The following CAMSAP1 variants were observed in gnomAD, a reference collection of about 807,000 sequenced individuals.
The protein encoded by CAMSAP1 is calmodulin-regulated spectrin-associated protein 1.
Under a neutral mutation model 143.5 loss-of-function variants are expected in CAMSAP1, and 58 were observed. The observed-to-expected ratio is 0.40, with a 90% CI of 0.33 to 0.50. The LOEUF (loss-of-function observed/expected upper bound fraction) is 0.50. Among genes scored for constraint, CAMSAP1 ranks in the 20% least tolerant of loss-of-function variants. CAMSAP1 has a pLI of 0.45. For synonymous variants in CAMSAP1, 945 were observed against 859.3 expected (o/e 1.10, Z -1.74); for missense variants, 1,969 against 2,115.7 (o/e 0.93, Z 1.36).
chr9:135,876,495 G>A (rs149958805), intron 3 of CAMSAP1, among the ~76,000 whole-genome samples: 74 of 152,262 alleles, frequency 4.9e-4, no homozygotes, highest in South Asian at 1.7e-3. Context: ...GACAATGAGC[G>A]ACAGTTACAC....
At chr9:135,894,757 G>A (rs1400382649) in intron 1 of CAMSAP1, among the ~76,000 whole-genome samples, 1 of 152,174 alleles carries the variant, frequency 6.6e-6, no homozygotes, top group Non-Finnish European at 1.5e-5. Flanking sequence ...AAAATGATCA[G>A]GAAGCCATCA....
chr9:135,896,386 A>G (rs1000711821), intron 1 of CAMSAP1, among the ~76,000 whole-genome samples: 7 of 152,246 alleles, frequency 4.6e-5, no homozygotes, highest in African/African-American at 1.4e-4. Flanking sequence ...CTCAAAGTAC[A>G]TGAAAAAAGT....
chr9:135,879,046 A>G (rs1837844668), intron 3 of CAMSAP1, among the ~76,000 whole-genome samples: 1 of 152,204 alleles, frequency 6.6e-6, no homozygotes, highest in South Asian at 2.1e-4. Flanking sequence ...ATCAAGTCTG[A>G]CTGTGAACGT....
chr9:135,834,490 T>C (rs1835952287), intron 7 of CAMSAP1, among the ~76,000 whole-genome samples: 1 of 152,220 alleles, frequency 6.6e-6, no homozygotes, highest in Non-Finnish European at 1.5e-5. Context: ...GGAAGTCTTG[T>C]CATTTGTGAC....
chr9:135,874,206 T>C (rs772315563), intron 3 of CAMSAP1, among the ~76,000 whole-genome samples: 2 of 152,042 alleles, frequency 1.3e-5, no homozygotes, highest in African/African-American at 2.4e-5. Flanking sequence ...AAACTTAAAA[T>C]AGAAGGGAAC....
At chr9:135,819,651 T>C (rs1260938886) in intron 11 of CAMSAP1, among the ~76,000 whole-genome samples, 1 of 133,442 alleles carries the variant, frequency 7.5e-6, no homozygotes, top group Non-Finnish European at 1.5e-5. Flanking sequence ...CTGGCCGACA[T>C]GGCGAAACCC....
rs1835341114 is a variant in CAMSAP1, at chr9:135,818,964, AC to A, written c.3959+45del. 2 of 1,593,362 alleles carry A rather than the reference AC, an allele frequency of 1.3e-6. No homozygotes were observed. Among genetic ancestry groups the A allele is most frequent in the Non-Finnish European group, 1.7e-6 (2 of 1,175,958 alleles). ...ACGGGACCGGGGCCGCCAGGGACCC[AC>A]CAGGCTCCTGCTCAGTCTGCTTTCC... is the stretch of plus-strand genomic sequence containing the variant. On this transcript the variant is annotated intron_variant, in intron 12 of 16. Transcript: ENST00000389532. The surrounding 1 kb of genome is among the most constrained non-coding windows in gnomAD (Gnocchi z 7.7).
intron 7 of CAMSAP1, among the ~76,000 whole-genome samples, chr9:135,845,073 T>A (rs551716839): frequency 2.6e-5 from 4 of 151,990 alleles, no homozygotes; most frequent in Admixed American, 6.6e-5. Context: ...CAAAAAAAAA[T>A]TTCAGGCCAA....
chr9:135,865,677 G>A (rs549934530), intron 4 of CAMSAP1, among the ~76,000 whole-genome samples: 3 of 152,300 alleles, frequency 2.0e-5, no homozygotes, highest in Admixed American at 2.0e-4. Flanking sequence ...TGCTTAGTCT[G>A]TACCCATGTG....
intron 7 of CAMSAP1, among the ~76,000 whole-genome samples, chr9:135,838,068 C>G (rs996505248): frequency 6.6e-6 from 1 of 150,998 alleles, no homozygotes; most frequent in South Asian, 2.1e-4. Flanking sequence ...CACTTTCCAC[C>G]CATTCTACAG....
rs1835037886 is a variant in CAMSAP1 at position 135,811,197 on chromosome 9, A to C, written c.*112T>G. 1 of 1,256,490 alleles carries C rather than the reference A, an allele frequency of 8.0e-7. No individual in the cohort carries two copies. Among genetic ancestry groups the C allele is most frequent in the Non-Finnish European group, 1.1e-6 (1 of 915,784 alleles). 77.8% of individuals were successfully genotyped at this position (1,256,490 alleles called of 1,614,324 possible). ...AGGTCTGTGACTTTGCACACTTCGT[A>C]CCCAAATAGATGAAAACAATAAATA... On this transcript the variant is annotated 3_prime_UTR_variant, in exon 17 of 17. Transcript: ENST00000389532. This position sits in a 1 kb window ranked among gnomAD's most constrained non-coding sequence, Gnocchi z 4.9.
chr9:135,879,178 TGAG>T (rs1837850237), intron 3 of CAMSAP1, among the ~76,000 whole-genome samples: 1 of 152,040 alleles, frequency 6.6e-6, no homozygotes, highest in Non-Finnish European at 1.5e-5. Context: ...TGTCCACAAA[TGAG>T]GAGTCAGGAG....
intron 7 of CAMSAP1, among the ~76,000 whole-genome samples, chr9:135,827,978 G>A (rs748281388): frequency 1.3e-4 from 20 of 152,232 alleles, no homozygotes; most frequent in Non-Finnish European, 2.9e-4. Context: ...GAAGGCTTGG[G>A]GCTCAGCTCC....
chr9:135,873,697 TCA>T (rs1837639693), intron 3 of CAMSAP1, among the ~76,000 whole-genome samples: 2 of 152,086 alleles, frequency 1.3e-5, no homozygotes, highest in Non-Finnish European at 2.9e-5. Context: ...CCCTTGAAAG[TCA>T]CAAATTACCA....
intron 11 of CAMSAP1, among the ~76,000 whole-genome samples, chr9:135,819,856 A>G (rs1835382253): frequency 6.6e-6 from 1 of 151,980 alleles, no homozygotes; most frequent in African/African-American, 2.4e-5. Flanking sequence ...AAAAAAAAAA[A>G]AGCGAAAAAG....
At chr9:135,839,754 G>A (rs965576763) in intron 7 of CAMSAP1, among the ~76,000 whole-genome samples, 1 of 152,046 alleles carries the variant, frequency 6.6e-6, no homozygotes, top group African/African-American at 2.4e-5. Flanking sequence ...CGAGCTGCAG[G>A]CATACACAGC....
At chr9:135,888,012 C>T (rs1838179505) in intron 1 of CAMSAP1, among the ~76,000 whole-genome samples, 1 of 152,150 alleles carries the variant, frequency 6.6e-6, no homozygotes, top group South Asian at 2.1e-4. Context: ...GTGAGGTCAA[C>T]ACTAAGTGCA....
chr9:135,864,166 C>T (rs547207883), intron 4 of CAMSAP1, among the ~76,000 whole-genome samples: 1 of 152,310 alleles, frequency 6.6e-6, no homozygotes, highest in Admixed American at 6.5e-5. Context: ...AAGGGACCCA[C>T]CACCCTTGGT....
chr9:135,907,024 T>G lies in CAMSAP1; in HGVS notation c.136A>C (p.Ile46Leu). Residue 46 changes from isoleucine to leucine, a missense_variant, in exon 1 of 17, where the codon ATC becomes CTC. Around this residue, in one of 4 missense-constraint regions of CAMSAP1, gnomAD observed 215 missense variants for 196.2 expected, o/e 1.10. Coordinates refer to ENST00000389532, the MANE Select transcript of CAMSAP1 (RefSeq NM_015447.4). ...CCTCGGCCGTAGGCCTTGGCGCAGA[T>G]CCACTGCAGGTTGGCGGCGATCTTG... ...RAKIAANLQWICAKAYGRDNI... is the reference protein window; with the variant it reads ...RAKIAANLQWLCAKAYGRDNI... 1.3e-5 allele frequency: 15 copies of G among 1,183,780 alleles called. No homozygotes were observed. Among genetic ancestry groups the G allele is most frequent in the Non-Finnish European group, 1.5e-5 (14 of 945,474 alleles). 73.3% of individuals were successfully genotyped at this position (1,183,780 alleles called of 1,614,324 possible).
Sources: allele counts gnomAD v4.1 joint callset (sites outside exome capture counted in the v4.1 genomes callset), GRCh38; gene constraint gnomAD v4.1.1; regional missense constraint gnomAD v4.1.1; non-coding constraint Gnocchi (gnomAD v3.1); transcripts MANE v1.5; gene names NCBI Gene and HGNC (gene_info 2026-07-23, HGNC 2026-07-21).